Variants in FILIP1L observed in about 807,000 individuals in gnomAD.
The protein encoded by FILIP1L is filamin A interacting protein 1 like, also known as filamin A-interacting protein 1-like.
In FILIP1L, 55 loss-of-function variants were observed where a neutral mutation model predicts 96.6. The observed-to-expected ratio is 0.57, with a 90% CI of 0.46 to 0.71. The LOEUF (loss-of-function observed/expected upper bound fraction) is 0.71. Among genes scored for constraint, FILIP1L ranks in the 30% least tolerant of loss-of-function variants. The probability of loss-of-function intolerance (pLI) is 0.00; values close to 1 mark genes in which losing one functional copy is unlikely to be tolerated. For missense variants in FILIP1L, 1,304 were observed against 1,321.2 expected (o/e 0.99, Z 0.20); for synonymous variants, 467 against 473.9 (o/e 0.99, Z 0.19).
intron 1 of FILIP1L, among the ~76,000 whole-genome samples, chr3:100,076,790 A>C (rs1272815887): frequency 6.6e-6 from 1 of 152,238 alleles, no homozygotes; most frequent in African/African-American, 2.4e-5. Context: ...CAGGTCATTA[A>C]TAAAGTTGTT....
intron 1 of FILIP1L, among the ~76,000 whole-genome samples, chr3:100,108,709 C>T (rs1379846367): frequency 6.6e-6 from 1 of 152,128 alleles, no homozygotes; most frequent in African/African-American, 2.4e-5. Context: ...GTCTGGCACT[C>T]GTTTGTTTGT....
intron 4 of FILIP1L, among the ~76,000 whole-genome samples, chr3:99,920,751 A>C (rs1198087215): frequency 6.6e-6 from 1 of 152,164 alleles, no homozygotes; most frequent in African/African-American, 2.4e-5. Context: ...TCAATGTGTG[A>C]CATCAGTCTC....
At chr3:99,851,493 A>G (rs1479822209) in intron 4 of FILIP1L, among the ~76,000 whole-genome samples, 2 of 152,200 alleles carry the variant, frequency 1.3e-5, no homozygotes, top group Admixed American at 6.5e-5. Flanking sequence ...CTGAGCCTCA[A>G]TTTCCTCATA....
rs570337762 is a variant in FILIP1L at position 100,097,952 on chromosome 3, C to T, written c.-11+16101G>A. 9.2e-5 allele frequency among the ~76,000 whole-genome samples: 14 copies of T among 152,260 alleles called. No homozygotes were observed. In the South Asian group the frequency reaches 2.1e-3, roughly 23 times the overall value. ...TTTTGTTGGTTTTTTAAAATTTCATCAACGGTAGCATATCTGACAAGGTAA... is the reference window on the plus strand; with the variant it reads ...TTTTGTTGGTTTTTTAAAATTTCATTAACGGTAGCATATCTGACAAGGTAA... On this transcript the variant is annotated intron_variant, in intron 1 of 5. Coordinates refer to ENST00000477258, the MANE Select transcript of FILIP1L (RefSeq NM_001387850.1).
intron 1 of FILIP1L, among the ~76,000 whole-genome samples, chr3:100,100,456 G>A (rs535439541): frequency 9.1e-4 from 139 of 152,238 alleles, no homozygotes; most frequent in African/African-American, 3.1e-3. Flanking sequence ...ATAAGGCACA[G>A]TGAGGCCATA....
At chr3:100,102,693 C>T (rs2066330561) in intron 1 of FILIP1L, among the ~76,000 whole-genome samples, 1 of 152,218 alleles carries the variant, frequency 6.6e-6, no homozygotes, top group Non-Finnish European at 1.5e-5. Flanking sequence ...CCGTGTTTGA[C>T]TAAATTCATG....
chr3:99,889,846 A>G (rs1187486725), intron 4 of FILIP1L, among the ~76,000 whole-genome samples: 3 of 152,044 alleles, frequency 2.0e-5, no homozygotes, highest in South Asian at 2.1e-4. Context: ...AATTCTGAGC[A>G]TACCCTCCCA....
At chr3:99,929,370 C>CT (rs1707398996) in intron 3 of FILIP1L, among the ~76,000 whole-genome samples, 1 of 152,176 alleles carries the variant, frequency 6.6e-6, no homozygotes, top group Non-Finnish European at 1.5e-5. Flanking sequence ...TTTAAAAACT[C>CT]TATTTCTTGG....
At chr3:99,998,409 C>G (rs1477559805) in intron 1 of FILIP1L, among the ~76,000 whole-genome samples, 1 of 152,134 alleles carries the variant, frequency 6.6e-6, no homozygotes, top group Non-Finnish European at 1.5e-5. Context: ...CCAACACATT[C>G]TTTGAGTGGG....
intron 1 of FILIP1L, among the ~76,000 whole-genome samples, chr3:100,023,959 G>A (rs1325766246): frequency 6.6e-6 from 1 of 152,070 alleles, no homozygotes; most frequent in Non-Finnish European, 1.5e-5. Flanking sequence ...TTACTTCCTG[G>A]GAACTTAGTA....
At chr3:100,092,728 A>T (rs997327099) in intron 1 of FILIP1L, among the ~76,000 whole-genome samples, 2 of 150,288 alleles carry the variant, frequency 1.3e-5, no homozygotes, top group Non-Finnish European at 3.0e-5. Flanking sequence ...AAATATTCAT[A>T]CTTACTCTGA....
At chr3:100,023,110 G>A (rs1339936600) in intron 1 of FILIP1L, among the ~76,000 whole-genome samples, 1 of 152,214 alleles carries the variant, frequency 6.6e-6, no homozygotes, top group African/African-American at 2.4e-5. Context: ...TGGTGCCTGA[G>A]AATGGAAAGA....
chr3:100,056,533 C>A (rs1043873061), intron 1 of FILIP1L, among the ~76,000 whole-genome samples: 1 of 152,246 alleles, frequency 6.6e-6, no homozygotes, highest in African/African-American at 2.4e-5. Flanking sequence ...AACATTTTAG[C>A]CTCCAGGTCA....
chr3:99,845,122 T>C (rs1943303741), intron 5 of FILIP1L, among the ~76,000 whole-genome samples: 1 of 152,202 alleles, frequency 6.6e-6, no homozygotes, highest in African/African-American at 2.4e-5. Flanking sequence ...TTTATCATGA[T>C]CTTGATTGAA....
intron 1 of FILIP1L, among the ~76,000 whole-genome samples, chr3:100,012,347 G>A (rs1204235697): frequency 6.6e-6 from 1 of 152,020 alleles, no homozygotes; most frequent in Non-Finnish European, 1.5e-5. Context: ...TTTCTTTCCT[G>A]AGAATCTCTA....
intron 1 of FILIP1L, among the ~76,000 whole-genome samples, chr3:99,954,532 T>C (rs1708264929): frequency 6.6e-6 from 1 of 152,110 alleles, no homozygotes; most frequent in South Asian, 2.1e-4. Context: ...CATTATAAAA[T>C]AAGAATAACT....
At chr3:100,008,112 AT>A (rs1710040463) in intron 1 of FILIP1L, among the ~76,000 whole-genome samples, 1 of 152,118 alleles carries the variant, frequency 6.6e-6, no homozygotes, top group South Asian at 2.1e-4. Flanking sequence ...ATTACAATAA[AT>A]TGCTGCTGCT....
intron 1 of FILIP1L, among the ~76,000 whole-genome samples, chr3:100,018,672 C>G (rs1413898426): frequency 1.4e-5 from 2 of 147,518 alleles, no homozygotes; most frequent in Non-Finnish European, 3.0e-5. Flanking sequence ...GATATCAAAG[C>G]ACAGGCAACT....
intron 1 of FILIP1L, among the ~76,000 whole-genome samples, chr3:100,096,640 A>G (rs1404354048): frequency 6.6e-6 from 1 of 151,678 alleles, no homozygotes; most frequent in Non-Finnish European, 1.5e-5. Context: ...TGGGGAGGAG[A>G]TGGGGTTAGT....
Sources: allele counts gnomAD v4.1 joint callset (sites outside exome capture counted in the v4.1 genomes callset), GRCh38; gene constraint gnomAD v4.1.1; transcripts MANE v1.5; gene names NCBI Gene and HGNC (gene_info 2026-07-23, HGNC 2026-07-21).